The following SGTB variants were observed in gnomAD, a reference collection of about 807,000 sequenced individuals.
SGTB encodes small glutamine rich tetratricopeptide repeat co-chaperone beta.
SGTB carries 19 observed loss-of-function variants against 43.9 expected under a neutral mutation model. The ratio of observed to expected loss-of-function variants is 0.43; its 90% CI spans 0.30 to 0.63. The LOEUF is 0.63. Among genes scored for constraint, SGTB ranks in the 30% least tolerant of loss-of-function variants. The pLI, the probability that SGTB is intolerant of heterozygous loss-of-function variation, is 0.12. For missense variants in SGTB, 304 were observed against 358.9 expected, an observed-to-expected ratio of 0.85 and a Z score of 1.24; for synonymous variants, 116 against 117.3, an observed-to-expected ratio of 0.99 and a Z score of 0.07.
At chr5:65,699,205 C>CA (rs1328081537) in intron 5 of SGTB, among the ~76,000 whole-genome samples, 8 of 152,150 alleles carry the variant, frequency 5.3e-5, no homozygotes, top group South Asian at 4.2e-4. Context: ...TACTCAGCCA[C>CA]AAAAAAGAAC....
At chr5:65,675,257 T>C (rs964677789) in intron 8 of SGTB, among the ~76,000 whole-genome samples, 4 of 152,170 alleles carry the variant, frequency 2.6e-5, no homozygotes, top group African/African-American at 7.2e-5. Flanking sequence ...TATCTATCTA[T>C]CTATATCAAA....
At chr5:65,689,872 A>G in intron 5 of SGTB, among the ~76,000 whole-genome samples, 2 of 151,494 alleles carry the variant, frequency 1.3e-5, no homozygotes, top group African/African-American at 4.8e-5. Flanking sequence ...GTTAATATTT[A>G]TTTAAAAATA....
chr5:65,708,659 T>C, intron 3 of SGTB, 101 bp from the exon 4 acceptor site: 2 of 849,866 alleles, frequency 2.4e-6, no homozygotes, highest in Non-Finnish European at 1.7e-6. Flanking sequence ...TTAAATCATC[T>C]GTAACTCCAC....
intron 4 of SGTB, among the ~76,000 whole-genome samples, chr5:65,705,234 G>A (rs1757906732): frequency 6.6e-6 from 1 of 151,802 alleles, no homozygotes; most frequent in Non-Finnish European, 1.5e-5. Context: ...CTTGAGGCCA[G>A]GAGTTCGAGT....
intron 3 of SGTB, among the ~76,000 whole-genome samples, chr5:65,711,993 A>G (rs753964508): frequency 2.0e-5 from 3 of 152,332 alleles, no homozygotes; most frequent in Middle Eastern, 3.4e-3. Flanking sequence ...CAAGGCTATA[A>G]TCCGAGCACT....
intron 8 of SGTB, among the ~76,000 whole-genome samples, chr5:65,676,762 C>T (rs1478310173): frequency 1.3e-5 from 2 of 151,840 alleles, no homozygotes; most frequent in African/African-American, 2.4e-5. Flanking sequence ...GAAGAATGAA[C>T]TTCTTTGAAT....
Position 65,671,934 on chromosome 5 carries a change from GGTCA to G in SGTB, c.780_783del (p.Asp261CysfsTer23). On this transcript the variant is annotated frameshift_variant, in exon 10 of 11. Coordinates refer to ENST00000381007, the MANE Select transcript of SGTB (RefSeq NM_019072.3). LOFTEE classifies it high-confidence loss of function. ...ACTTACGCTTGGATGAGGCTTGACA[GGTCA>G]GTTAGGCCCCCAACTCCAGCAGCAG... 1.2e-6 allele frequency: 2 copies of G among 1,613,852 alleles called. No homozygotes were observed. The highest frequency in any genetic ancestry group is 1.7e-6 in the Non-Finnish European group (2 of 1,179,914).
chr5:65,682,733 T>A (rs957965935), intron 6 of SGTB, among the ~76,000 whole-genome samples: 7 of 152,324 alleles, frequency 4.6e-5, no homozygotes, highest in African/African-American at 1.7e-4. Context: ...TAAGTTTAAA[T>A]ACCTATTAAA....
At position 65,704,047 on chromosome 5, in the gene SGTB, A is replaced by AT. The variant is rs1561163323; in HGVS notation, c.374+231_374+232insA. 7.2e-3 allele frequency among the ~76,000 whole-genome samples: 897 copies of AT among 125,130 alleles called. 10 individuals carry two copies. Among genetic ancestry groups the AT allele is most frequent in the African/African-American group, 0.026 (854 of 33,338 alleles). 82.1% of individuals were successfully genotyped at this position (125,130 alleles called of 152,430 possible). The stretch of plus-strand genomic sequence containing the variant: ...TGAGACTCCGTCTCAAAAAAAAAAA[A>AT]AAAAATAAATAAATAAATAAATAAA... On this transcript the variant is annotated intron_variant, in intron 5 of 10. Transcript: ENST00000381007.
intron 6 of SGTB, among the ~76,000 whole-genome samples, chr5:65,682,862 C>T (rs1206173021): frequency 6.6e-6 from 1 of 152,022 alleles, no homozygotes; most frequent in Non-Finnish European, 1.5e-5. Flanking sequence ...TCTATAAAGT[C>T]ACCATGAACA....
chr5:65,708,298 CTG>C (rs1206311058), intron 4 of SGTB, among the ~76,000 whole-genome samples, 189 bp downstream of exon 4: 1 of 152,182 alleles, frequency 6.6e-6, no homozygotes, highest in African/African-American at 2.4e-5. Context: ...CAAGCCGTAA[CTG>C]TACTGCCCAC....
chr5:65,674,868 A>G (rs1235899460), intron 8 of SGTB, among the ~76,000 whole-genome samples: 1 of 152,216 alleles, frequency 6.6e-6, no homozygotes. Flanking sequence ...TGTATTTGCT[A>G]GCATGGTAAG....
intron 5 of SGTB, among the ~76,000 whole-genome samples, chr5:65,685,746 T>A (rs1231697005): frequency 2.6e-5 from 4 of 152,226 alleles, no homozygotes; most frequent in African/African-American, 9.6e-5. Flanking sequence ...TACCTATTTA[T>A]ACCCTTTCTA....
At chr5:65,721,742 G>C (rs1579894801) in intron 1 of SGTB, among the ~76,000 whole-genome samples, 175 bp downstream of exon 1, 1 of 152,306 alleles carries the variant, frequency 6.6e-6, no homozygotes, top group South Asian at 2.1e-4. Context: ...GGTGAGAAGA[G>C]GGAAATAGGC....
intron 5 of SGTB, among the ~76,000 whole-genome samples, 188 bp from the exon 6 acceptor site, chr5:65,685,660 G>GA (rs1431434763): frequency 1.3e-5 from 2 of 151,900 alleles, no homozygotes; most frequent in Admixed American, 6.6e-5. Context: ...CTTCTGTGCA[G>GA]AAAAAAGTAT....
rs866096714 is a variant in SGTB at position 65,707,435 on chromosome 5, C to T, written c.274+1054G>A. 3.2e-4 allele frequency among the ~76,000 whole-genome samples: 45 copies of T among 141,094 alleles called. 1 individual carries two copies. The highest frequency in any genetic ancestry group is 1.0e-3 in the African/African-American group (38 of 36,324). The allele number at this position is 141,094 out of a possible 152,430, so 92.6% of individuals were successfully genotyped here. On this transcript the variant is annotated intron_variant, in intron 4 of 10. Transcript: ENST00000381007. ...ACACACACACACACACACACACACA[C>T]ATATATTTTTTTTTTTTTGAGATGG...
intron 4 of SGTB, among the ~76,000 whole-genome samples, chr5:65,705,602 T>C (rs1029453896): frequency 2.6e-5 from 4 of 152,206 alleles, no homozygotes. Flanking sequence ...ATTAGCTGCT[T>C]AACAGGAAGA....
intron 6 of SGTB, among the ~76,000 whole-genome samples, chr5:65,683,223 A>G (rs1757432946): frequency 6.6e-6 from 1 of 152,112 alleles, no homozygotes; most frequent in Non-Finnish European, 1.5e-5. Flanking sequence ...AATACAAAAA[A>G]AAATGTAGCA....
chr5:65,708,512 T>A lies in SGTB; in HGVS notation c.251A>T (p.Lys84Ile). 6.2e-7 allele frequency: 1 copy of A among 1,613,528 alleles called. No individual in the cohort carries two copies. The part of the protein sequence containing the change: ...LSNSVPEDVG[K>I]ADQLKDEGNN... ...ACCTTCATCTTTTAATTGGTCAGCTTTTCCCACATCTTCAGGCACTGAGTT... is the reference window on the plus strand; with the variant it reads ...ACCTTCATCTTTTAATTGGTCAGCTATTCCCACATCTTCAGGCACTGAGTT... The change falls in exon 4 of 11, where the codon AAA becomes ATA. Residue 84 changes from lysine (K) to isoleucine (I), a missense_variant. Coordinates refer to ENST00000381007, the MANE Select transcript of SGTB (RefSeq NM_019072.3).
Sources: allele counts gnomAD v4.1 joint callset (sites outside exome capture counted in the v4.1 genomes callset), GRCh38; gene constraint gnomAD v4.1.1; transcripts MANE v1.5; gene names NCBI Gene and HGNC (gene_info 2026-07-23, HGNC 2026-07-21).